FOXP1: variants seen among roughly 807,000 people sequenced by gnomAD.
FOXP1 encodes the protein forkhead box protein P1.
FOXP1 carries 15 observed loss-of-function variants against 98.2 expected under a neutral mutation model. The observed-to-expected ratio is 0.15, with a 90% CI of 0.10 to 0.24. The LOEUF is 0.24. Ranked by LOEUF, FOXP1 falls within the 10% of genes least tolerant of loss-of-function variation. The probability of loss-of-function intolerance (pLI) is 1.00; values close to 1 mark genes in which losing one functional copy is unlikely to be tolerated. For missense variants in FOXP1, 633 were observed against 848.5 expected (o/e 0.75, Z 3.15); for synonymous variants, 371 against 314.5 (o/e 1.18, Z -1.90).
chr3:71,493,899 A>C (rs1426849723), intron 2 of FOXP1, among the ~76,000 whole-genome samples: 3 of 152,216 alleles, frequency 2.0e-5, no homozygotes, highest in Non-Finnish European at 4.4e-5. Context: ...TACACAGATA[A>C]ATGTACCATT....
chr3:71,478,596 T>TTA (rs1367227639), intron 3 of FOXP1, among the ~76,000 whole-genome samples: 4 of 152,356 alleles, frequency 2.6e-5, no homozygotes, highest in African/African-American at 9.6e-5. Flanking sequence ...CTGCACTTAT[T>TTA]TATTTATGCT....
At chr3:71,005,544 G>T (rs955384153) in intron 12 of FOXP1, among the ~76,000 whole-genome samples, 11 of 151,912 alleles carry the variant, frequency 7.2e-5, no homozygotes, top group African/African-American at 2.7e-4. Flanking sequence ...AACGAGAATA[G>T]AATTACACAG....
chr3:71,538,678 G>A (rs765352226), intron 2 of FOXP1, among the ~76,000 whole-genome samples: 5 of 152,168 alleles, frequency 3.3e-5, no homozygotes, highest in Non-Finnish European at 7.3e-5. Flanking sequence ...TCATATGCAG[G>A]AGTAGAAATG....
At chr3:71,383,451 T>C (rs1348739802) in intron 3 of FOXP1, among the ~76,000 whole-genome samples, 2 of 152,170 alleles carry the variant, frequency 1.3e-5, no homozygotes, top group Non-Finnish European at 2.9e-5. Flanking sequence ...AAAATAAGTA[T>C]CAATGAGAAA....
intron 3 of FOXP1, among the ~76,000 whole-genome samples, chr3:71,365,383 C>T (rs2078845744): frequency 6.6e-6 from 1 of 151,576 alleles, no homozygotes; most frequent in Non-Finnish European, 1.5e-5. Context: ...GGCCCATGCG[C>T]CCACATAGAC....
chr3:71,191,302 C>T (rs2062964896), intron 6 of FOXP1, among the ~76,000 whole-genome samples: 1 of 152,184 alleles, frequency 6.6e-6, no homozygotes, highest in South Asian at 2.1e-4. Flanking sequence ...TAAAGTCATA[C>T]CTCCTGAAAG....
chr3:71,222,894 G>C (rs1487997981), intron 5 of FOXP1, among the ~76,000 whole-genome samples: 1 of 152,074 alleles, frequency 6.6e-6, no homozygotes, highest in Non-Finnish European at 1.5e-5. Flanking sequence ...CCTCCAACCT[G>C]CTACTTTGCC....
At chr3:71,346,748 G>T (rs1174979002) in intron 4 of FOXP1, among the ~76,000 whole-genome samples, 1 of 151,928 alleles carries the variant, frequency 6.6e-6, no homozygotes, top group Non-Finnish European at 1.5e-5. Flanking sequence ...CTATTAGCAA[G>T]ACTTTATATA....
At chr3:71,280,266 TATC>T (rs1245482419) in intron 5 of FOXP1, among the ~76,000 whole-genome samples, 1 of 152,168 alleles carries the variant, frequency 6.6e-6, no homozygotes, top group East Asian at 1.9e-4. Context: ...TTTAAAACAT[TATC>T]ATCATTTTAA....
rs529285985 is a variant in FOXP1 at position 71,026,491 on chromosome 3, G to C, written c.870-10838C>G. ...ATGGCAGAGCCTCACGGTCGTTCTG[G>C]ACTTAGGGGTCAAAGACCCACAAAG... On this transcript the variant is annotated intron_variant, in intron 11 of 20. Coordinates refer to ENST00000649528, the MANE Select transcript of FOXP1 (RefSeq NM_001349338.3). Among the ~76,000 whole-genome samples, 3 of 152,230 alleles carry C rather than the reference G, an allele frequency of 2.0e-5. No individual in the cohort carries two copies. In the East Asian group the frequency reaches 5.8e-4, roughly 29 times the overall value.
At chr3:71,196,835 G>C (rs997291424) in intron 6 of FOXP1, among the ~76,000 whole-genome samples, 2 of 152,200 alleles carry the variant, frequency 1.3e-5, no homozygotes, top group African/African-American at 2.4e-5. Context: ...AAGTGAGCCA[G>C]TGGTGCAGGC....
At chr3:71,112,030 T>C (rs577174596) in intron 7 of FOXP1, among the ~76,000 whole-genome samples, 2 of 148,096 alleles carry the variant, frequency 1.4e-5, no homozygotes, top group South Asian at 2.1e-4. Flanking sequence ...TGGCCTGTAC[T>C]TACTGGATGC....
intron 6 of FOXP1, among the ~76,000 whole-genome samples, chr3:71,168,459 T>C (rs1425232489): frequency 6.6e-6 from 1 of 152,226 alleles, no homozygotes; most frequent in African/African-American, 2.4e-5. Flanking sequence ...ATGTAATAAG[T>C]ATGAGAAATA....
rs747712208 is a variant in FOXP1, at chr3:71,252,567, C to T, written c.-12+47253G>A. 5.3e-4 allele frequency among the ~76,000 whole-genome samples: 80 copies of T among 152,258 alleles called. 1 individual carries two copies. Among genetic ancestry groups the T allele is most frequent in the Middle Eastern group, 3.4e-3 (1 of 294 alleles). ...TAGTCCTTAGAGTATCCCTGAAGAA[C>T]AACAACAATGCCTCAGGCCCCCTGA... On this transcript the variant is annotated intron_variant, in intron 5 of 20. Transcript: ENST00000649528.
At chr3:71,516,954 G>C (rs1186225724) in intron 2 of FOXP1, among the ~76,000 whole-genome samples, 2 of 152,174 alleles carry the variant, frequency 1.3e-5, no homozygotes, top group Admixed American at 6.5e-5. Flanking sequence ...TGTGTGTCTC[G>C]CCTGTCAGAG....
chr3:71,417,226 C>A (rs749120365), intron 3 of FOXP1, among the ~76,000 whole-genome samples: 4 of 152,208 alleles, frequency 2.6e-5, no homozygotes, highest in Non-Finnish European at 4.4e-5. Flanking sequence ...CAGTCGTCCA[C>A]ACGATGCAAA....
intron 5 of FOXP1, among the ~76,000 whole-genome samples, chr3:71,218,231 AG>A (rs1271947354): frequency 6.6e-6 from 1 of 152,228 alleles, no homozygotes; most frequent in African/African-American, 2.4e-5. Context: ...ATGATGTAAT[AG>A]GTCTCCATGT....
chr3:71,046,635 C>T (rs530962637), intron 10 of FOXP1, among the ~76,000 whole-genome samples: 5 of 152,154 alleles, frequency 3.3e-5, no homozygotes, highest in South Asian at 2.1e-4. Flanking sequence ...CAAACAGAAA[C>T]ACTGCAAGAG....
intron 2 of FOXP1, among the ~76,000 whole-genome samples, chr3:71,525,105 G>C (rs1270117006): frequency 6.6e-6 from 1 of 152,174 alleles, no homozygotes; most frequent in Non-Finnish European, 1.5e-5. Flanking sequence ...GGTCCAAATT[G>C]AAATGCCACC....
Sources: allele counts gnomAD v4.1 joint callset (sites outside exome capture counted in the v4.1 genomes callset), GRCh38; gene constraint gnomAD v4.1.1; transcripts MANE v1.5; gene names NCBI Gene and HGNC (gene_info 2026-07-23, HGNC 2026-07-21).